The following CALN1 variants were observed in gnomAD, a reference collection of about 807,000 sequenced individuals.
CALN1 encodes the protein calneuron 1.
CALN1 carries 17 observed loss-of-function variants against 30.6 expected under a neutral mutation model. The ratio of observed to expected loss-of-function variants is 0.56; its 90% CI spans 0.38 to 0.83. The LOEUF is 0.83. Ranked by LOEUF, CALN1 falls within the 40% of genes least tolerant of loss-of-function variation. CALN1 has a pLI of 0.00. For synonymous variants in CALN1, 156 were observed against 131.4 expected (o/e 1.19, Z -1.28); for missense variants, 291 against 354.9 (o/e 0.82, Z 1.45).
At chr7:72,360,990 G>T (rs1585579195) in intron 2 of CALN1, among the ~76,000 whole-genome samples, 1 of 152,014 alleles carries the variant, frequency 6.6e-6, no homozygotes, top group South Asian at 2.1e-4. Flanking sequence ...GGCTCCAAAA[G>T]TGCTGGGATT....
At chr7:71,944,225 T>C (rs1371298945) in intron 5 of CALN1, among the ~76,000 whole-genome samples, 1 of 152,118 alleles carries the variant, frequency 6.6e-6, no homozygotes, top group East Asian at 1.9e-4. Flanking sequence ...GGTAGGTGGA[T>C]CACTTGAGCC....
chr7:71,997,404 A>T (rs1799309609), intron 5 of CALN1, among the ~76,000 whole-genome samples: 1 of 152,210 alleles, frequency 6.6e-6, no homozygotes, highest in African/African-American at 2.4e-5. Flanking sequence ...CCAGAAAGAA[A>T]ATAGATGAAA....
chr7:72,262,612 T>G (rs1195236863), intron 3 of CALN1, among the ~76,000 whole-genome samples: 1 of 152,216 alleles, frequency 6.6e-6, no homozygotes, highest in Admixed American at 6.5e-5. Context: ...GTATTTGGTT[T>G]TCTGTTTCTG....
At chr7:72,368,941 A>C (rs1804047507) in intron 2 of CALN1, among the ~76,000 whole-genome samples, 1 of 151,148 alleles carries the variant, frequency 6.6e-6, no homozygotes, top group African/African-American at 2.4e-5. Flanking sequence ...CAGCCTCCCA[A>C]GTAGCTGGGA....
chr7:72,047,103 G>A (rs753480803), intron 4 of CALN1, among the ~76,000 whole-genome samples: 1 of 152,002 alleles, frequency 6.6e-6, no homozygotes, highest in African/African-American at 2.4e-5. Context: ...GTGGGGAAAC[G>A]TAAGGTTTAA....
intron 2 of CALN1, among the ~76,000 whole-genome samples, chr7:72,289,791 T>C (rs1168703335): frequency 6.6e-6 from 1 of 152,088 alleles, no homozygotes; most frequent in African/African-American, 2.4e-5. Context: ...ATATTCCATT[T>C]TTAAGAATGA....
chr7:72,279,651 G>C (rs1458774373), intron 2 of CALN1, among the ~76,000 whole-genome samples: 1 of 152,174 alleles, frequency 6.6e-6, no homozygotes, highest in Non-Finnish European at 1.5e-5. Flanking sequence ...TGAGATAAAA[G>C]GACAGCAAAG....
At chr7:72,233,211 A>C (rs1271969077) in intron 3 of CALN1, among the ~76,000 whole-genome samples, 6 of 151,312 alleles carry the variant, frequency 4.0e-5, no homozygotes, top group South Asian at 4.2e-4. Context: ...AAAAAAAAGA[A>C]GGCACTGTGG....
At chr7:72,151,744 C>T (rs1359571894) in intron 3 of CALN1, among the ~76,000 whole-genome samples, 2 of 152,056 alleles carry the variant, frequency 1.3e-5, no homozygotes, top group Non-Finnish European at 2.9e-5. Context: ...CAGGGTCTCA[C>T]TCCATGGTGT....
At chr7:72,295,810 G>A (rs1314928385) in intron 2 of CALN1, among the ~76,000 whole-genome samples, 1 of 151,806 alleles carries the variant, frequency 6.6e-6, no homozygotes, top group Admixed American at 6.6e-5. Context: ...CGTCTGCAAA[G>A]AGGGACAATT....
intron 4 of CALN1, among the ~76,000 whole-genome samples, chr7:72,031,350 A>G (rs1375394815): frequency 1.3e-5 from 2 of 152,162 alleles, no homozygotes; most frequent in Admixed American, 6.5e-5. Context: ...AATAATAAAT[A>G]ATAGGAACTA....
intron 5 of CALN1, among the ~76,000 whole-genome samples, chr7:71,880,963 C>G (rs767129319): frequency 5.3e-5 from 8 of 152,128 alleles, no homozygotes; most frequent in Non-Finnish European, 1.2e-4. Flanking sequence ...ACATTTGGGT[C>G]AGTGGACTGG....
intron 3 of CALN1, among the ~76,000 whole-genome samples, chr7:72,275,584 G>A (rs1194930129): frequency 2.0e-5 from 3 of 152,110 alleles, no homozygotes; most frequent in Admixed American, 6.6e-5. Flanking sequence ...CCTTCCCCAG[G>A]CTGAGAGCCT....
intron 5 of CALN1, among the ~76,000 whole-genome samples, chr7:71,968,681 C>T (rs1473160254): frequency 6.6e-6 from 1 of 151,518 alleles, no homozygotes; most frequent in Non-Finnish European, 1.5e-5. Context: ...CGTGCCGGGA[C>T]CCGGGGTGAT....
intron 5 of CALN1, among the ~76,000 whole-genome samples, chr7:71,827,775 A>AAAAAAAAAAAAAAAAT (rs1554347603): frequency 3.6e-5 from 5 of 140,282 alleles, no homozygotes; most frequent in African/African-American, 1.4e-4. Context: ...CCATCTTAAA[A>AAAAAAAAAAAAAAAAT]AAATAAATAA....
intron 3 of CALN1, among the ~76,000 whole-genome samples, chr7:72,254,751 CATAA>C (rs1468534388): frequency 1.3e-5 from 2 of 151,936 alleles, no homozygotes; most frequent in East Asian, 3.9e-4. Context: ...AGCTCACTTA[CATAA>C]ATATTCTTTT....
rs534883618 is a variant in CALN1 at position 72,408,675 on chromosome 7, CTT to C, written c.-74+3381_-74+3382del. Among the ~76,000 whole-genome samples, 209 of 77,982 alleles carry C rather than the reference CTT, an allele frequency of 2.7e-3. 1 individual carries two copies. Among genetic ancestry groups the C allele is most frequent in the South Asian group, 7.3e-3 (13 of 1,784 alleles). 51.2% of individuals were successfully genotyped at this position (77,982 alleles called of 152,430 possible). On this transcript the variant is annotated intron_variant, in intron 1 of 6. Coordinates refer to ENST00000395275, the MANE Select transcript of CALN1 (RefSeq NM_031468.4). ...AATGACCACCAATTATTATCTTTTC[CTT>C]TTTTTTTTTTTTTTTTTGAGACAGG...
chr7:72,417,497 C>G (rs894985299), intron 1 of CALN1, among the ~76,000 whole-genome samples: 5 of 152,198 alleles, frequency 3.3e-5, no homozygotes, highest in African/African-American at 1.2e-4. Context: ...TCCCCGCTAC[C>G]GTGGGCACTT....
chr7:71,943,215 C>T (rs182525184), intron 5 of CALN1, among the ~76,000 whole-genome samples: 1 of 152,284 alleles, frequency 6.6e-6, no homozygotes, highest in East Asian at 1.9e-4. Context: ...TCTGGTTTCA[C>T]AGTAGTTGCA....
Sources: gnomAD v4.1 joint callset for allele counts (sites outside exome capture counted in the v4.1 genomes callset) on GRCh38, gnomAD v4.1.1 for gene constraint, MANE v1.5 for transcripts, NCBI Gene and HGNC (gene_info 2026-07-23, HGNC 2026-07-21) for gene names.